The following EIF4G1 variants were observed in gnomAD, a reference collection of about 807,000 sequenced individuals.
EIF4G1 encodes eukaryotic translation initiation factor 4 gamma 1.
In EIF4G1, 4 loss-of-function variants were observed where a neutral mutation model predicts 187.8. That is an observed-to-expected ratio of 0.02 (90% confidence interval 0.01 to 0.05). The LOEUF (loss-of-function observed/expected upper bound fraction) is 0.05. Among genes scored for constraint, EIF4G1 ranks in the 10% least tolerant of loss-of-function variants. EIF4G1 has a pLI of 1.00. For synonymous variants in EIF4G1, 844 were observed against 781.4 expected, an observed-to-expected ratio of 1.08 and a Z score of -1.34; for missense variants, 1,647 against 2,081.1, an observed-to-expected ratio of 0.79 and a Z score of 4.06.
At chr3:184,320,375 A>C in intron 7 of EIF4G1, 2 of 1,379,634 alleles carry the variant, frequency 1.4e-6, no homozygotes, top group African/African-American at 1.5e-5. Context: ...CTGGTGGGGT[A>C]GGGATGAGGG....
chr3:184,332,190 CATT>C, intron 32 of EIF4G1, 104 bp downstream of exon 32: 1 of 1,487,448 alleles, frequency 6.7e-7, no homozygotes, highest in Non-Finnish European at 9.3e-7. Context: ...GGTAGGTAGT[CATT>C]AGAGAGCAAA....
rs376912636 is a variant in EIF4G1 at position 184,317,764 on chromosome 3, A to G, written c.372A>G (p.Pro124=). 1.2e-6 allele frequency: 2 copies of G among 1,614,148 alleles called. No individual in the cohort carries two copies. Among genetic ancestry groups the G allele is most frequent in the Non-Finnish European group, 1.7e-6 (2 of 1,180,022 alleles). ...VVPTQQYPVQ[P]GAPGFYPGAS... ...CGACACAGCAGTACCCTGTGCAGCC[A>G]GGAGCCCCAGGCTTCTATCCAGGTG... Residue 124 remains proline, a synonymous_variant, in exon 6 of 33, where the codon CCA becomes CCG. Coordinates refer to ENST00000346169, the MANE Select transcript of EIF4G1 (RefSeq NM_198241.3).
Position 184,335,116 on chromosome 3 carries a change from C to T in EIF4G1, c.*208C>T, listed in dbSNP as rs1296788978. ...TGCCGCCAGGTGTCCCTCTCCTCCC[C>T]CTGGGGCACAGAGATATATTATATA... On this transcript the variant is annotated 3_prime_UTR_variant, in exon 33 of 33. Coordinates refer to ENST00000346169, the MANE Select transcript of EIF4G1 (RefSeq NM_198241.3). 3 of 624,062 alleles carry T rather than the reference C, an allele frequency of 4.8e-6. No individual in the cohort carries two copies. The highest frequency in any genetic ancestry group is 1.8e-5 in the African/African-American group (1 of 54,248). 38.7% of individuals were successfully genotyped at this position (624,062 alleles called of 1,614,324 possible).
intron 6 of EIF4G1, 120 bp from the exon 7 acceptor site, chr3:184,319,569 C>T: frequency 1.4e-6 from 1 of 734,086 alleles, no homozygotes; most frequent in South Asian, 1.5e-5. Context: ...CAGGGCAGGG[C>T]AAGGCAAGGG....
At chr3:184,332,215 G>A (rs1726248751) in intron 32 of EIF4G1, 129 bp downstream of exon 32, 1 of 1,228,152 alleles carries the variant, frequency 8.1e-7, no homozygotes, top group Admixed American at 2.1e-5. Flanking sequence ...TGCCCTCTGG[G>A]TTTCATTCTT....
intron 7 of EIF4G1, chr3:184,320,316 A>T: frequency 7.8e-7 from 1 of 1,289,976 alleles, no homozygotes; most frequent in Non-Finnish European, 9.9e-7. Context: ...ATTGGGTTCT[A>T]GATGGGGGTC....
chr3:184,328,559 C>T (rs917928459), intron 26 of EIF4G1, 72 bp from the exon 27 acceptor site: 4 of 1,608,622 alleles, frequency 2.5e-6, no homozygotes, highest in Non-Finnish European at 3.4e-6. Flanking sequence ...GATGCCCTAG[C>T]CATGCCACGT....
In EIF4G1 at chr3:184,327,288, AGGGGACCGT is replaced by A. The variant is rs1265725999; in HGVS notation, c.3510_3518del (p.Gly1171_Arg1173del). 2.5e-6 allele frequency: 4 copies of A among 1,613,758 alleles called. No homozygotes were observed. Among genetic ancestry groups the A allele is most frequent in the Admixed American group, 1.7e-5 (1 of 60,012 alleles). On this transcript the variant is annotated inframe_deletion, in exon 24 of 33. Coordinates refer to ENST00000346169, the MANE Select transcript of EIF4G1 (RefSeq NM_198241.3). ...ACCGCCTAGAGCGGAGTGAACGGGG[AGGGGACCGT>A]GGGGACCGGCTTGATCGTGCGCGGA...
Position 184,325,596 on chromosome 3 carries a change from G to A in EIF4G1, c.3078G>A (p.Lys1026=), listed in dbSNP as rs756750152. The change falls in exon 20 of 33, where the codon AAG becomes AAA. Residue 1026 remains lysine, a synonymous_variant. Transcript: ENST00000346169. The surrounding 1 kb of genome is among the most constrained non-coding windows in gnomAD (Gnocchi z 5.2). ...EHIKVQQLMA[K]GSDKRRGGPP... Reference sequence around the variant, plus strand: ...TCAAAGTGCAGCAGCTCATGGCCAAGGGCAGTGACAAGCGTCGGGGCGGTC... The same window carrying A: ...TCAAAGTGCAGCAGCTCATGGCCAAAGGCAGTGACAAGCGTCGGGGCGGTC... 2 of 1,614,110 alleles carry A rather than the reference G, an allele frequency of 1.2e-6. No individual in the cohort carries two copies. Among genetic ancestry groups the A allele is most frequent in the Non-Finnish European group, 1.7e-6 (2 of 1,180,056 alleles).
rs1726215754 is a variant in EIF4G1, at chr3:184,332,059, C to T, written c.4591C>T (p.Leu1531Phe). 1.2e-6 allele frequency: 2 copies of T among 1,614,038 alleles called. No homozygotes were observed. Among genetic ancestry groups the T allele is most frequent in the Non-Finnish European group, 1.7e-6 (2 of 1,180,030 alleles). Residue 1531 changes from leucine (L) to phenylalanine (F), a missense_variant, in exon 32 of 33, where the codon CTT becomes TTT. Leu to Phe is a conservative substitution (Grantham distance 22). Coordinates refer to ENST00000346169, the MANE Select transcript of EIF4G1 (RefSeq NM_198241.3). ...ELQALYALQA[L>F]VVTLEQPPNL... is the part of the protein sequence containing the mutation. ...ACAGGCGCTCTACGCCCTCCAGGCC[C>T]TTGTAGTGACCTTAGAACAGCCTCC...
At chr3:184,316,742 C>T in intron 4 of EIF4G1, 4 of 1,596,116 alleles carry the variant, frequency 2.5e-6, no homozygotes, top group Non-Finnish European at 2.5e-6. Context: ...AGGTAATATC[C>T]CTTTCCCAAC....
Position 184,322,942 on chromosome 3 carries a change from G to T in EIF4G1, c.1917G>T (p.Val639=). The T allele has an allele frequency of 1.9e-6, 3 of 1,614,166 alleles. No homozygotes were observed. Among genetic ancestry groups the T allele is most frequent in the Non-Finnish European group, 2.5e-6 (3 of 1,180,034 alleles). Residue 639 remains valine (V), a synonymous_variant, in exon 13 of 33, where the codon GTG becomes GTT. Transcript: ENST00000346169. The part of the protein sequence containing the change: ...KPEGLPHISD[V]VLDKANKTPL... ...AGGGATTGCCACATATCAGTGACGT[G>T]GTGCTGGACAAGGTTAGTGGCTTCA... is the stretch of plus-strand genomic sequence containing the variant.
rs1725206190 is a variant in EIF4G1, at chr3:184,327,717, A to T, written c.3780+13A>T. The T allele has an allele frequency of 6.2e-7, 1 of 1,613,774 alleles. No homozygotes were observed. ...CAATGACATGAAAGTAGGCAGTGGG[A>T]GCGGCGTGTGATTGAGGAGTGGGCA... On this transcript the variant is annotated intron_variant, in intron 25 of 32. Coordinates refer to ENST00000346169, the MANE Select transcript of EIF4G1 (RefSeq NM_198241.3).
rs775134346 is a variant in EIF4G1 at position 184,321,285 on chromosome 3, A to G, written c.701A>G (p.Asp234Gly). The G allele has an allele frequency of 1.2e-6, 2 of 1,613,900 alleles. No homozygotes were observed. Among genetic ancestry groups the G allele is most frequent in the African/African-American group, 2.7e-5 (2 of 74,856 alleles). Residue 234 changes from aspartate (D) to glycine (G), a missense_variant, in exon 10 of 33, where the codon GAC becomes GGC. Physicochemically the swap from Asp to Gly is moderately conservative, Grantham distance 94. Transcript: ENST00000346169. ...ATTCTTCCTTCCTATGGTGCAGATG[A>G]CCGGTCACAGGGAGCAATCATTGCT... Reference protein sequence around the residue: ...PQVAVIVRPDDRSQGAIIADR... With the variant: ...PQVAVIVRPDGRSQGAIIADR...
In EIF4G1 at chr3:184,320,616, C is replaced by G; in HGVS notation, c.538-14C>G. On this transcript the variant is annotated splice_polypyrimidine_tract_variant and intron_variant, in intron 7 of 32. Transcript: ENST00000346169. ...TTCCTGCTTCCCACTCATCTTATAG[C>G]TTTCTTTCCCCAGATCCGAATTCGA... is the stretch of plus-strand genomic sequence containing the variant. 1.2e-6 allele frequency: 2 copies of G among 1,614,042 alleles called. No individual in the cohort carries two copies. The highest frequency in any genetic ancestry group is 1.7e-6 in the Non-Finnish European group (2 of 1,179,976).
Position 184,323,800 on chromosome 3 carries a change from C to G in EIF4G1, c.2295C>G (p.Arg765=). Residue 765 remains arginine, a synonymous_variant, in exon 16 of 33, where the codon CGC becomes CGG. Coordinates refer to ENST00000346169, the MANE Select transcript of EIF4G1 (RefSeq NM_198241.3). The surrounding 1 kb of genome is among the most constrained non-coding windows in gnomAD (Gnocchi z 6.9). ...SKTQDLFRRV[R]SILNKLTPQM... is the part of the protein sequence containing the mutation. ...TCCAGGACCTATTCCGCAGGGTGCG[C>G]TCCATCCTGAATAAACTGACACCCC... is the stretch of plus-strand genomic sequence containing the variant. 1 of 1,614,056 alleles carries G rather than the reference C, an allele frequency of 6.2e-7. No homozygotes were observed.
At position 184,335,117 on chromosome 3, in the gene EIF4G1, C is replaced by T. The variant is rs1726875841; in HGVS notation, c.*209C>T. On this transcript the variant is annotated 3_prime_UTR_variant, in exon 33 of 33. Coordinates refer to ENST00000346169, the MANE Select transcript of EIF4G1 (RefSeq NM_198241.3). Reference sequence around the variant, plus strand: ...GCCGCCAGGTGTCCCTCTCCTCCCCCTGGGGCACAGAGATATATTATATAT... The same window carrying T: ...GCCGCCAGGTGTCCCTCTCCTCCCCTTGGGGCACAGAGATATATTATATAT... 1.6e-6 allele frequency: 1 copy of T among 622,952 alleles called. No individual in the cohort carries two copies. The highest frequency in any genetic ancestry group is 2.8e-6 in the Non-Finnish European group (1 of 355,076). 38.6% of individuals were successfully genotyped at this position (622,952 alleles called of 1,614,324 possible).
Position 184,321,451 on chromosome 3 carries a change from T to C in EIF4G1, c.867T>C (p.Thr289=). 1 of 1,614,158 alleles carries C rather than the reference T, an allele frequency of 6.2e-7. No homozygotes were observed. Among genetic ancestry groups the C allele is most frequent in the Non-Finnish European group, 8.5e-7 (1 of 1,180,032 alleles). ...CAGTCCTCTCTATTCCTGGGGACACTATGACAACTATACAAATGTCTGTAG... is the reference window on the plus strand; with the variant it reads ...CAGTCCTCTCTATTCCTGGGGACACCATGACAACTATACAAATGTCTGTAG... ...NLAVLSIPGD[T]MTTIQMSVEE... The change falls in exon 10 of 33, where the codon ACT becomes ACC. Residue 289 remains threonine (T), a synonymous_variant. Coordinates refer to ENST00000346169, the MANE Select transcript of EIF4G1 (RefSeq NM_198241.3).
At position 184,317,756 on chromosome 3, in the gene EIF4G1, G is replaced by A. The variant is rs775940503; in HGVS notation, c.364G>A (p.Val122Met). The A allele has an allele frequency of 3.1e-6, 5 of 1,614,134 alleles. No individual in the cohort carries two copies. The Admixed American group carries it at 6.7e-5, about 22-fold the overall frequency. ...CGTTGTCCCGACACAGCAGTACCCT[G>A]TGCAGCCAGGAGCCCCAGGCTTCTA... ...TYVVPTQQYP[V>M]QPGAPGFYPG... The change falls in exon 6 of 33, where the codon GTG becomes ATG. Residue 122 changes from valine (V) to methionine (M), a missense_variant. Coordinates refer to ENST00000346169, the MANE Select transcript of EIF4G1 (RefSeq NM_198241.3).
Sources: gnomAD v4.1 joint callset for allele counts on GRCh38, gnomAD v4.1.1 for gene constraint, Gnocchi (gnomAD v3.1) non-coding constraint, MANE v1.5 for transcripts, NCBI Gene and HGNC (gene_info 2026-07-23, HGNC 2026-07-21) for gene names.